The following ETS1 variants were observed in gnomAD, a reference collection of about 807,000 sequenced individuals.
ETS1 encodes protein C-ets-1.
A neutral mutation model predicts 58.6 loss-of-function variants in ETS1; 15 were observed. That is an observed-to-expected ratio of 0.26 (90% CI 0.17 to 0.39). The LOEUF (loss-of-function observed/expected upper bound fraction) is 0.39, where lower values mean the gene tolerates loss of function less well. ETS1 is among the 10% of genes least tolerant of loss of function. The probability of loss-of-function intolerance (pLI) is 1.00; values close to 1 mark genes in which losing one functional copy is unlikely to be tolerated. For synonymous variants in ETS1, 214 were observed against 218.2 expected (o/e 0.98, Z 0.17); for missense variants, 417 against 610.5 (o/e 0.68, Z 3.34).
At chr11:128,469,055 TTCTC>T (rs1163213995) in intron 8 of ETS1, among the ~76,000 whole-genome samples, 1 of 152,212 alleles carries the variant, frequency 6.6e-6, no homozygotes, top group African/African-American at 2.4e-5. Context: ...CTCAAATGGC[TTCTC>T]TCTATTAAAC....
chr11:128,550,486 A>G (rs1864211763), intron 3 of ETS1, among the ~76,000 whole-genome samples: 1 of 152,200 alleles, frequency 6.6e-6, no homozygotes, highest in Non-Finnish European at 1.5e-5. Context: ...GGGAGATATT[A>G]GGCATGTGGA....
intron 3 of ETS1, chr11:128,522,238 G>A (rs1460636704): frequency 7.5e-6 from 9 of 1,199,952 alleles, no homozygotes; most frequent in Non-Finnish European, 9.3e-6. Flanking sequence ...CCCGCGCCGC[G>A]CCCGCTCCTC....
rs2135401989 is a variant in ETS1, at chr11:128,459,207, T to C, written c.*3154A>G. 1 of 150,686 alleles carries C rather than the reference T, an allele frequency of 6.6e-6. No homozygotes were observed. Among genetic ancestry groups the C allele is most frequent in the African/African-American group, 2.4e-5 (1 of 41,286 alleles). 9.3% of individuals were successfully genotyped at this position (150,686 alleles called of 1,614,324 possible). On this transcript the variant is annotated 3_prime_UTR_variant, in exon 10 of 10. Transcript: ENST00000392668. Reference sequence around the variant, plus strand: ...TTTATTTTAATATATATATTTTATATATGTATATGTATACATATATTTATG... The same window carrying C: ...TTTATTTTAATATATATATTTTATACATGTATATGTATACATATATTTATG...
intron 3 of ETS1, chr11:128,526,597 C>T (rs1487962218): frequency 4.0e-6 from 1 of 248,350 alleles, no homozygotes; most frequent in African/African-American, 2.4e-5. Context: ...AGAGATAGAA[C>T]AACTATCACC....
rs550531119 is a variant in ETS1, at chr11:128,494,390, G to A, written c.215-3814C>T. Among the ~76,000 whole-genome samples, 41 of 152,326 alleles carry A rather than the reference G, an allele frequency of 2.7e-4. 1 individual carries two copies. In the South Asian group the frequency reaches 7.5e-3, roughly 28 times the overall value. ...AAAGGACAGTTGTGCAGAAGCTGGT[G>A]ATTAAATAACCATTGCAGGAGATTG... On this transcript the variant is annotated intron_variant, in intron 3 of 9. Coordinates refer to ENST00000392668, the MANE Select transcript of ETS1 (RefSeq NM_001143820.2).
rs984564776 is a variant in ETS1, at chr11:128,485,198, C to T, written c.614-127G>A. 8.6e-6 allele frequency: 7 copies of T among 814,570 alleles called. No homozygotes were observed. The African/African-American group carries it at 8.6e-5, about 10-fold the overall frequency. The allele number at this position is 814,570 out of a possible 1,614,324, so 50.5% of individuals were successfully genotyped here. A position where few individuals can be genotyped will look rare whatever the true frequency, so the allele number is the denominator to read the frequency against. On this transcript the variant is annotated intron_variant, in intron 6 of 9. Transcript: ENST00000392668. ...GAGAATAAGGGAAAATACTTTAAAT[C>T]AGAAAAGCTTGCATTTTTAACCTTG...
At chr11:128,550,416 T>C (rs1864210938) in intron 3 of ETS1, among the ~76,000 whole-genome samples, 1 of 152,152 alleles carries the variant, frequency 6.6e-6, no homozygotes, top group Non-Finnish European at 1.5e-5. Context: ...TTATGGAGAA[T>C]AGGGTCAGGC....
chr11:128,586,605 G>A (rs565406863), intron 1 of ETS1, among the ~76,000 whole-genome samples: 42 of 152,114 alleles, frequency 2.8e-4, no homozygotes, highest in Non-Finnish European at 1.6e-4. Flanking sequence ...AAAGTAAGAA[G>A]GAAAATGGAC....
chr11:128,557,492 G>T (rs1864331080), intron 2 of ETS1, among the ~76,000 whole-genome samples: 1 of 152,108 alleles, frequency 6.6e-6, no homozygotes, highest in Non-Finnish European at 1.5e-5. Flanking sequence ...AGTATGTGAG[G>T]CCTGGTCTTC....
intron 3 of ETS1, among the ~76,000 whole-genome samples, chr11:128,507,384 A>G (rs1863270050): frequency 4.6e-5 from 7 of 152,148 alleles, no homozygotes; most frequent in Admixed American, 4.6e-4. Context: ...TTCAAGACAT[A>G]ATTCTCTGAG....
intron 3 of ETS1, among the ~76,000 whole-genome samples, chr11:128,546,406 T>C (rs755853759): frequency 4.6e-5 from 7 of 152,182 alleles, no homozygotes; most frequent in Admixed American, 3.3e-4. Flanking sequence ...CCATGAGGGA[T>C]TGGTTCCAGG....
chr11:128,538,693 G>A (rs575871222), intron 3 of ETS1, among the ~76,000 whole-genome samples: 3 of 151,996 alleles, frequency 2.0e-5, no homozygotes, highest in Non-Finnish European at 4.4e-5. Context: ...CTGGCTAAAA[G>A]TGAAGAATGA....
chr11:128,506,747 T>C (rs1253338380), intron 3 of ETS1, among the ~76,000 whole-genome samples: 1 of 151,866 alleles, frequency 6.6e-6, no homozygotes, highest in Non-Finnish European at 1.5e-5. Flanking sequence ...AGACCGACCG[T>C]GGGAGAGGCT....
Position 128,463,700 on chromosome 11 carries a change from C to A in ETS1, c.1124-73G>T. On this transcript the variant is annotated intron_variant, in intron 8 of 9. Transcript: ENST00000392668. This position sits in a 1 kb window ranked among gnomAD's most constrained non-coding sequence, Gnocchi z 4.1. ...CTACGCAGCTAATCCCCACACACGGCACTCCCACATCCCTCTTCTCTCAGC... is the reference window on the plus strand; with the variant it reads ...CTACGCAGCTAATCCCCACACACGGAACTCCCACATCCCTCTTCTCTCAGC... 1 of 816,928 alleles carries A rather than the reference C, an allele frequency of 1.2e-6. No homozygotes were observed. The highest frequency in any genetic ancestry group is 2.1e-6 in the Non-Finnish European group (1 of 465,390). 50.6% of individuals were successfully genotyped at this position (816,928 alleles called of 1,614,324 possible). A position where few individuals can be genotyped will look rare whatever the true frequency, so the allele number is the denominator to read the frequency against.
chr11:128,501,267 A>AGTTAAAT (rs1863083007), intron 3 of ETS1, among the ~76,000 whole-genome samples: 2 of 152,282 alleles, frequency 1.3e-5, no homozygotes, highest in African/African-American at 4.8e-5. Context: ...GCTTCTCAGA[A>AGTTAAAT]GTTAAATGGG....
intron 3 of ETS1, among the ~76,000 whole-genome samples, chr11:128,493,059 A>T (rs1001840322): frequency 6.6e-6 from 1 of 152,162 alleles, no homozygotes; most frequent in Non-Finnish European, 1.5e-5. Flanking sequence ...AAAGGACCTT[A>T]CTGATGGCGG....
intron 6 of ETS1, among the ~76,000 whole-genome samples, chr11:128,485,560 G>C (rs10893879): frequency 0.35 from 53,196 of 152,068 alleles, 9,755 homozygotes; most frequent in Middle Eastern, 0.56. Context: ...TACATTCATT[G>C]TTTCCCTCAG....
chr11:128,477,328 A>G (rs1331149592), intron 8 of ETS1, among the ~76,000 whole-genome samples: 1 of 152,234 alleles, frequency 6.6e-6, no homozygotes, highest in Admixed American at 6.5e-5. Flanking sequence ...TGACTTTTAC[A>G]AGCAATAAAA....
At chr11:128,556,185 A>G in intron 3 of ETS1, 106 bp downstream of exon 3, 1 of 989,520 alleles carries the variant, frequency 1.0e-6, no homozygotes, top group South Asian at 1.8e-5. Flanking sequence ...TAGCATCTGT[A>G]CCCGCATAAG....
Sources: allele counts gnomAD v4.1 joint callset (sites outside exome capture counted in the v4.1 genomes callset), GRCh38; gene constraint gnomAD v4.1.1; non-coding constraint Gnocchi (gnomAD v3.1); transcripts MANE v1.5; gene names NCBI Gene and HGNC (gene_info 2026-07-23, HGNC 2026-07-21).